SLC24A3: variants seen among roughly 807,000 people sequenced by gnomAD.
SLC24A3 encodes the protein sodium/potassium/calcium exchanger 3.
SLC24A3 carries 28 observed loss-of-function variants against 75.8 expected under a neutral mutation model. That is an observed-to-expected ratio of 0.37 (90% CI 0.27 to 0.51). The LOEUF (loss-of-function observed/expected upper bound fraction) is 0.51, where lower values mean the gene tolerates loss of function less well. Ranked by LOEUF, SLC24A3 falls within the 20% of genes least tolerant of loss-of-function variation. The pLI is 0.94. For synonymous variants in SLC24A3, 372 were observed against 334.1 expected, an observed-to-expected ratio of 1.11 and a Z score of -1.24; for missense variants, 663 against 847.8, an observed-to-expected ratio of 0.78 and a Z score of 2.71.
intron 2 of SLC24A3, among the ~76,000 whole-genome samples, chr20:19,492,682 T>A (rs958474976): frequency 5.9e-5 from 9 of 152,246 alleles, no homozygotes; most frequent in African/African-American, 1.9e-4. Flanking sequence ...ATTTCCTGTA[T>A]ATTTTCCTTA....
At chr20:19,541,549 G>A (rs934710232) in intron 3 of SLC24A3, among the ~76,000 whole-genome samples, 17 of 152,152 alleles carry the variant, frequency 1.1e-4, no homozygotes, top group African/African-American at 2.2e-4. Flanking sequence ...GGGCACCCCC[G>A]CGCCCTCCGC....
chr20:19,305,001 G>T (rs151157507), intron 2 of SLC24A3, among the ~76,000 whole-genome samples: 2 of 152,214 alleles, frequency 1.3e-5, no homozygotes, highest in East Asian at 3.9e-4. Context: ...CCTGTTGGCT[G>T]CTTGGACTTT....
chr20:19,262,884 G>A (rs1490067547), intron 1 of SLC24A3, among the ~76,000 whole-genome samples: 1 of 151,852 alleles, frequency 6.6e-6, no homozygotes, highest in Non-Finnish European at 1.5e-5. Context: ...AGCTGCGTGT[G>A]TCCTTATAGT....
At chr20:19,595,060 G>C (rs1335924197) in intron 6 of SLC24A3, among the ~76,000 whole-genome samples, 1 of 152,112 alleles carries the variant, frequency 6.6e-6, no homozygotes, top group African/African-American at 2.4e-5. Context: ...GCCAGCCATT[G>C]CCCCCAGGAA....
intron 2 of SLC24A3, among the ~76,000 whole-genome samples, chr20:19,311,354 A>G (rs1204116663): frequency 6.6e-6 from 1 of 152,040 alleles, no homozygotes; most frequent in African/African-American, 2.4e-5. Context: ...GGAAATCAGG[A>G]TGAGGTCACT....
At chr20:19,478,577 A>G (rs1987999836) in intron 2 of SLC24A3, among the ~76,000 whole-genome samples, 2 of 152,150 alleles carry the variant, frequency 1.3e-5, no homozygotes, top group Non-Finnish European at 2.9e-5. Context: ...CAGTGTGCCC[A>G]TGTGTGGCTG....
intron 3 of SLC24A3, among the ~76,000 whole-genome samples, chr20:19,572,516 G>A (rs181848529): frequency 3.0e-4 from 46 of 152,314 alleles, no homozygotes; most frequent in Non-Finnish European, 6.0e-4. Context: ...TCCCATGGGT[G>A]TTAATTTTCA....
At chr20:19,548,151 C>T (rs1600275844) in intron 3 of SLC24A3, among the ~76,000 whole-genome samples, 1 of 152,332 alleles carries the variant, frequency 6.6e-6, no homozygotes, top group East Asian at 1.9e-4. Flanking sequence ...ATGTTCCGCG[C>T]TTCTCGGCTC....
At chr20:19,241,212 G>C (rs928465787) in intron 1 of SLC24A3, among the ~76,000 whole-genome samples, 3 of 152,214 alleles carry the variant, frequency 2.0e-5, no homozygotes, top group Non-Finnish European at 4.4e-5. Flanking sequence ...ACACGGACGG[G>C]GTTATCCAGA....
At chr20:19,589,553 T>C (rs1286512790) in intron 6 of SLC24A3, among the ~76,000 whole-genome samples, 1 of 152,192 alleles carries the variant, frequency 6.6e-6, no homozygotes, top group Non-Finnish European at 1.5e-5. Flanking sequence ...ACATTTGCTA[T>C]GAACTCAAGA....
rs201823661 is a variant in SLC24A3 at position 19,281,128 on chromosome 20, C to T, written c.271+41C>T. 9 of 1,611,226 alleles carry T rather than the reference C, an allele frequency of 5.6e-6. No homozygotes were observed. The South Asian group carries it at 8.8e-5, about 16-fold the overall frequency. On this transcript the variant is annotated intron_variant, in intron 2 of 16. Coordinates refer to ENST00000328041, the MANE Select transcript of SLC24A3 (RefSeq NM_020689.4). ...ACTCATGGGCAGCAGCTGTCATTTTCTCTGGCTATGGCTGAGGAAGAGCCA... is the reference window on the plus strand; with the variant it reads ...ACTCATGGGCAGCAGCTGTCATTTTTTCTGGCTATGGCTGAGGAAGAGCCA...
At chr20:19,376,097 G>C (rs1986078896) in intron 2 of SLC24A3, among the ~76,000 whole-genome samples, 2 of 152,214 alleles carry the variant, frequency 1.3e-5, no homozygotes, top group Admixed American at 1.3e-4. Context: ...CTGTGTGAGT[G>C]TGTGTTTGTG....
chr20:19,225,302 G>T (rs1981841718), intron 1 of SLC24A3, among the ~76,000 whole-genome samples: 1 of 152,172 alleles, frequency 6.6e-6, no homozygotes, highest in Non-Finnish European at 1.5e-5. Context: ...AACGTGATAT[G>T]AAGGACCTCT....
intron 2 of SLC24A3, among the ~76,000 whole-genome samples, chr20:19,508,599 C>A (rs1488519779): frequency 2.6e-5 from 4 of 152,186 alleles, no homozygotes; most frequent in Non-Finnish European, 5.9e-5. Flanking sequence ...GAGGGAGAAG[C>A]AAGGAAGCTG....
intron 2 of SLC24A3, among the ~76,000 whole-genome samples, chr20:19,417,176 C>A (rs898978105): frequency 6.6e-6 from 1 of 152,102 alleles, no homozygotes; most frequent in Non-Finnish European, 1.5e-5. Context: ...GACCCGTGAA[C>A]AACCTTTAGC....
chr20:19,340,528 G>A (rs144094615), intron 2 of SLC24A3, among the ~76,000 whole-genome samples: 37 of 152,282 alleles, frequency 2.4e-4, no homozygotes, highest in African/African-American at 3.8e-4. Context: ...AGATGGTGTC[G>A]TGATAAAAGG....
In SLC24A3 at chr20:19,582,760, T is replaced by C. The variant is rs1321770533; in HGVS notation, c.424-2211T>C. Among the ~76,000 whole-genome samples, 5 of 152,154 alleles carry C rather than the reference T, an allele frequency of 3.3e-5. No homozygotes were observed. In the East Asian group the frequency reaches 5.8e-4, roughly 18 times the overall value. On this transcript the variant is annotated intron_variant, in intron 4 of 16. Transcript: ENST00000328041. ...CCACAGTAGACAGCCTCAGCTGCAC[T>C]GAGGCGGGAAGGGAGAGAGGCATTT...
chr20:19,230,790 G>A (rs1981999979), intron 1 of SLC24A3, among the ~76,000 whole-genome samples: 1 of 152,058 alleles, frequency 6.6e-6, no homozygotes, highest in African/African-American at 2.4e-5. Flanking sequence ...TGTGTGTTAG[G>A]CATTCATCCA....
intron 3 of SLC24A3, among the ~76,000 whole-genome samples, chr20:19,572,116 C>T (rs992682769): frequency 7.2e-5 from 11 of 152,270 alleles, no homozygotes; most frequent in South Asian, 4.1e-4. Context: ...AGGGGAGGAT[C>T]GCTTGAGTCC....
Sources: allele counts gnomAD v4.1 joint callset (sites outside exome capture counted in the v4.1 genomes callset), GRCh38; gene constraint gnomAD v4.1.1; transcripts MANE v1.5; gene names NCBI Gene and HGNC (gene_info 2026-07-23, HGNC 2026-07-21).